The following SEC14L1 variants were observed in gnomAD, a reference collection of about 807,000 sequenced individuals.
SEC14L1 encodes the protein SEC14 like lipid binding 1, also known as SEC14-like protein 1.
Under a neutral mutation model 85.3 loss-of-function variants are expected in SEC14L1, and 48 were observed. The observed-to-expected ratio is 0.56, with a 90% CI of 0.45 to 0.72. SEC14L1 has a LOEUF of 0.72. SEC14L1 is among the 30% of genes least tolerant of loss of function. SEC14L1 has a pLI of 0.00. For missense variants in SEC14L1, 682 were observed against 921.4 expected (o/e 0.74, Z 3.36); for synonymous variants, 391 against 355.5 (o/e 1.10, Z -1.12).
chr17:77,216,292 C>CGTAGGTAGGGCTAGTAGGTAGGGCTA lies in SEC14L1; in HGVS notation c.*2293_*2318dup, dbSNP rs1182634986. 2 of 1,075,058 alleles carry CGTAGGTAGGGCTAGTAGGTAGGGCTA rather than the reference C, an allele frequency of 1.9e-6. No homozygotes were observed. The highest frequency in any genetic ancestry group is 5.5e-5 in the African/African-American group (2 of 36,252). 66.6% of individuals were successfully genotyped at this position (1,075,058 alleles called of 1,614,324 possible). On this transcript the variant is annotated 3_prime_UTR_variant, in exon 17 of 17. Coordinates refer to ENST00000436233, the MANE Select transcript of SEC14L1 (RefSeq NM_001143998.2). ...GTAGGTAGGGTTAGTAGGTAGGGTT[C>CGTAGGTAGGGCTAGTAGGTAGGGCTA]GTAGGTAGGGCTAGTAGGTAGGGCT...
intron 3 of SEC14L1, among the ~76,000 whole-genome samples, chr17:77,097,114 G>A (rs952378924): frequency 6.6e-6 from 1 of 152,248 alleles, no homozygotes; most frequent in African/African-American, 2.4e-5. Flanking sequence ...GATTTTCTTT[G>A]TAAGGAATCC....
chr17:77,196,240 G>A lies in SEC14L1; in HGVS notation c.748G>A (p.Asp250Asn), dbSNP rs939180121. 1.9e-6 allele frequency: 3 copies of A among 1,613,994 alleles called. No individual in the cohort carries two copies. The highest frequency in any genetic ancestry group is 2.7e-5 in the African/African-American group (2 of 74,926). ...DADYIKRYLGDLTPLQESCLI... is the reference protein window; with the variant it reads ...DADYIKRYLGNLTPLQESCLI... Reference sequence around the variant, plus strand: ...CGACTACATCAAGAGATACCTGGGCGATTTGACTCCGCTGCAGGAGAGCTG... The same window carrying A: ...CGACTACATCAAGAGATACCTGGGCAATTTGACTCCGCTGCAGGAGAGCTG... Residue 250 changes from aspartate to asparagine, a missense_variant, in exon 8 of 17, where the codon GAT (aspartate) becomes AAT (asparagine). Transcript: ENST00000436233.
intron 3 of SEC14L1, among the ~76,000 whole-genome samples, chr17:77,131,325 A>G (rs950269667): frequency 1.3e-5 from 2 of 152,114 alleles, no homozygotes; most frequent in Admixed American, 1.3e-4. Context: ...GCTGGAGTGC[A>G]ATGGCGCGGT....
upstream of SEC14L1, chr17:77,140,653 T>C (rs1972957074): frequency 6.6e-6 from 1 of 152,300 alleles, no homozygotes; most frequent in South Asian, 2.1e-4. Flanking sequence ...CGCCCGCTAC[T>C]CGCGAAGCCC....
At chr17:77,163,394 A>AGCACCATCCCTCCCTCATCC (rs1567903688) in intron 3 of SEC14L1, among the ~76,000 whole-genome samples, 4 of 1,330 alleles carry the variant, frequency 3.0e-3, no homozygotes, top group Non-Finnish European at 0.012. Flanking sequence ...AGACTGGTTC[A>AGCACCATCCCTCCCTCATCC]GTCAGAGCTT....
chr17:77,118,342 G>T (rs887774376), intron 3 of SEC14L1, among the ~76,000 whole-genome samples: 1 of 152,218 alleles, frequency 6.6e-6, no homozygotes, highest in Non-Finnish European at 1.5e-5. Context: ...AGGTCCCTTC[G>T]GAGAGTGAAG....
intron 3 of SEC14L1, among the ~76,000 whole-genome samples, chr17:77,166,315 T>C (rs1974278939): frequency 6.6e-6 from 1 of 152,184 alleles, no homozygotes; most frequent in South Asian, 2.1e-4. Context: ...TGCTGCAAGT[T>C]GAAGATGATG....
chr17:77,173,331 G>A (rs1974602589), intron 3 of SEC14L1, among the ~76,000 whole-genome samples: 1 of 151,664 alleles, frequency 6.6e-6, no homozygotes. Context: ...AATGATTCCA[G>A]GAGTTAGGAT....
intron 3 of SEC14L1, among the ~76,000 whole-genome samples, chr17:77,128,555 T>C (rs1475116630): frequency 2.6e-5 from 4 of 151,274 alleles, no homozygotes; most frequent in Admixed American, 1.3e-4. Flanking sequence ...GCTTCTCGGG[T>C]TCAAGTGATT....
At position 77,213,190 on chromosome 17, in the gene SEC14L1, A is replaced by G; in HGVS notation, c.1864-124A>G. ...AGCAAAATAGCAGGTTCTGAATCCC[A>G]TTGAGATAGTTTCCGTAGCTACATG... On this transcript the variant is annotated intron_variant, in intron 15 of 16. Coordinates refer to ENST00000436233, the MANE Select transcript of SEC14L1 (RefSeq NM_001143998.2). The surrounding 1 kb of genome is among the most constrained non-coding windows in gnomAD (Gnocchi z 7.1). The G allele has an allele frequency of 1.2e-6, 1 of 803,238 alleles. No homozygotes were observed. The highest frequency in any genetic ancestry group is 2.7e-5 in the East Asian group (1 of 37,298). The allele number at this position is 803,238 out of a possible 1,614,324, so 49.8% of individuals were successfully genotyped here.
Position 77,212,210 on chromosome 17 carries a change from A to C in SEC14L1, c.1863+9A>C. ...AAGGAGAAAGCGTGCAGGTAAAATC[A>C]CACACAGGTCAAATCGCGCATCCGT... On this transcript the variant is annotated intron_variant, in intron 15 of 16. Transcript: ENST00000436233. The C allele has an allele frequency of 6.2e-7, 1 of 1,612,592 alleles. No homozygotes were observed. The highest frequency in any genetic ancestry group is 8.5e-7 in the Non-Finnish European group (1 of 1,179,398).
chr17:77,201,689 TC>T (rs1171877384), intron 9 of SEC14L1, among the ~76,000 whole-genome samples: 1 of 152,172 alleles, frequency 6.6e-6, no homozygotes, highest in Non-Finnish European at 1.5e-5. Flanking sequence ...GACCTCGTGA[TC>T]TGCCCACCTT....
At chr17:77,144,712 A>G (rs1973199988) in intron 3 of SEC14L1, 1 of 152,274 alleles carries the variant, frequency 6.6e-6, no homozygotes, top group Non-Finnish European at 1.5e-5. Context: ...TCCTGGGTTC[A>G]AGCGATTCTT....
Position 77,206,081 on chromosome 17 carries a change from C to A in SEC14L1, c.1170-148C>A. The A allele has an allele frequency of 1.4e-6, 1 of 716,830 alleles. No individual in the cohort carries two copies. The highest frequency in any genetic ancestry group is 2.2e-6 in the Non-Finnish European group (1 of 446,046). The allele number at this position is 716,830 out of a possible 1,614,324, so 44.4% of individuals were successfully genotyped here. A position where few individuals can be genotyped will look rare whatever the true frequency, so the allele number is the denominator to read the frequency against. ...TGTACAAGTAGATATAAACAGGGTT[C>A]ATAGCACTATACATAGCACTATAAT... On this transcript the variant is annotated intron_variant, in intron 11 of 16. Coordinates refer to ENST00000436233, the MANE Select transcript of SEC14L1 (RefSeq NM_001143998.2). This position sits in a 1 kb window ranked among gnomAD's most constrained non-coding sequence, Gnocchi z 4.3.
chr17:77,183,649 T>TA (rs1975141780), intron 3 of SEC14L1, among the ~76,000 whole-genome samples: 1 of 152,094 alleles, frequency 6.6e-6, no homozygotes, highest in Non-Finnish European at 1.5e-5. Flanking sequence ...AAATAAAAAA[T>TA]AAAAAAGTGT....
At chr17:77,207,102 C>T (rs567573668) in intron 13 of SEC14L1, among the ~76,000 whole-genome samples, 19 of 152,282 alleles carry the variant, frequency 1.2e-4, no homozygotes, top group African/African-American at 3.1e-4. Flanking sequence ...GAATCAAATA[C>T]GATTGCAGCT....
At chr17:77,118,508 C>T (rs1251112959) in intron 3 of SEC14L1, among the ~76,000 whole-genome samples, 1 of 152,212 alleles carries the variant, frequency 6.6e-6, no homozygotes, top group African/African-American at 2.4e-5. Context: ...GGAGGACTGT[C>T]CCCGAGCCTC....
intron 3 of SEC14L1, among the ~76,000 whole-genome samples, chr17:77,102,791 A>T (rs1262403537): frequency 6.6e-6 from 1 of 152,080 alleles, no homozygotes; most frequent in African/African-American, 2.4e-5. Flanking sequence ...AGCATAAGCC[A>T]CCATGTCTGG....
In SEC14L1 at chr17:77,091,493, A is replaced by G. The variant is rs565155213; in HGVS notation, c.-239-1751A>G. On this transcript the variant is annotated intron_variant, in intron 2 of 19. Coordinates refer to the SEC14L1 transcript ENST00000392476. ...GTGCTGTCCAGCAGCACTTTCTGCA[A>G]TGATGGAAATGGCCTATCTGACCAT... Among the ~76,000 whole-genome samples the G allele has an allele frequency of 8.5e-4, 130 of 152,330 alleles. 1 individual carries two copies. The South Asian group carries it at 0.027, about 31-fold the overall frequency.
Sources: gnomAD v4.1 joint callset for allele counts (sites outside exome capture counted in the v4.1 genomes callset) on GRCh38, gnomAD v4.1.1 for gene constraint, Gnocchi (gnomAD v3.1) non-coding constraint, MANE v1.5 for transcripts, NCBI Gene and HGNC (gene_info 2026-07-23, HGNC 2026-07-21) for gene names.